The following SNCAIP variants were observed in gnomAD, a reference collection of about 807,000 sequenced individuals.
The protein encoded by SNCAIP is synuclein alpha interacting protein, also known as synphilin-1.
A neutral mutation model predicts 86.7 loss-of-function variants in SNCAIP; 43 were observed. The observed-to-expected ratio is 0.50, with a 90% CI of 0.39 to 0.64. The LOEUF (loss-of-function observed/expected upper bound fraction) is 0.64, where lower values mean the gene tolerates loss of function less well. SNCAIP is among the 30% of genes least tolerant of loss of function. The probability of loss-of-function intolerance (pLI) is 0.00; values close to 1 mark genes in which losing one functional copy is unlikely to be tolerated. For synonymous variants in SNCAIP, 417 were observed against 427.2 expected (o/e 0.98, Z 0.29); for missense variants, 981 against 1,103.1 (o/e 0.89, Z 1.57).
In SNCAIP at chr5:122,355,055, A is replaced by G. The variant is rs148145363; in HGVS notation, c.-46-36034A>G. Among the ~76,000 whole-genome samples, 280 of 152,310 alleles carry G rather than the reference A, an allele frequency of 1.8e-3. 3 individuals are homozygous for G. Among genetic ancestry groups the G allele is most frequent in the African/African-American group, 6.4e-3 (266 of 41,572 alleles). ...TTTAGTATAAAAAACTTTGTGTGTG[A>G]GAGGGTGCATGTGTTCTTTGTTCAA... On this transcript the variant is annotated intron_variant, in intron 1 of 10. Coordinates refer to ENST00000261368, the MANE Select transcript of SNCAIP (RefSeq NM_005460.4).
At chr5:122,324,615 T>C (rs1753646695) in intron 1 of SNCAIP, among the ~76,000 whole-genome samples, 1 of 152,208 alleles carries the variant, frequency 6.6e-6, no homozygotes, top group Non-Finnish European at 1.5e-5. Context: ...TAGGGGCTTG[T>C]TTCACAAAAG....
In SNCAIP at chr5:122,444,635, C is replaced by G. The variant is rs531769969; in HGVS notation, c.1495C>G (p.Arg499Gly). Residue 499 changes from arginine (R) to glycine (G), a missense_variant, in exon 8 of 11, where the codon CGG becomes GGG. Coordinates refer to ENST00000261368, the MANE Select transcript of SNCAIP (RefSeq NM_005460.4). The part of the protein sequence containing the change: ...AGEKPSQSAE[R>G]QGHTLCSRYL... The stretch of plus-strand genomic sequence containing the variant: ...GGAAAAGCCCTCCCAGAGCGCCGAG[C>G]GGCAGGGGCACACCCTGTGCTCCAG... 2 of 1,613,880 alleles carry G rather than the reference C, an allele frequency of 1.2e-6. No individual in the cohort carries two copies. Among genetic ancestry groups the G allele is most frequent in the African/African-American group, 2.7e-5 (2 of 74,924 alleles).
chr5:122,355,035 T>G (rs1754238853), intron 1 of SNCAIP, among the ~76,000 whole-genome samples: 2 of 152,250 alleles, frequency 1.3e-5, no homozygotes, highest in Non-Finnish European at 2.9e-5. Context: ...TAATCTTTAG[T>G]ATAAAAAACT....
intron 10 of SNCAIP, among the ~76,000 whole-genome samples, chr5:122,462,271 A>G (rs1786545206): frequency 6.6e-6 from 1 of 152,194 alleles, no homozygotes; most frequent in Non-Finnish European, 1.5e-5. Flanking sequence ...CTCCTCTGCT[A>G]AATCAACTCT....
In SNCAIP at chr5:122,423,376, G is replaced by A; in HGVS notation, c.639G>A (p.Val213=). The change falls in exon 4 of 11, where the codon GTG becomes GTA. Residue 213 remains valine, a synonymous_variant. Coordinates refer to ENST00000261368, the MANE Select transcript of SNCAIP (RefSeq NM_005460.4). The part of the protein sequence containing the change: ...NMAPFCVLSP[V]KSPHLRKASA... Reference sequence around the variant, plus strand: ...CACCATTTTGTGTTCTTTCTCCCGTGAAAAGCCCTCACTTGAGAAAAGCAT... The same window carrying A: ...CACCATTTTGTGTTCTTTCTCCCGTAAAAAGCCCTCACTTGAGAAAAGCAT... 6.2e-7 allele frequency: 1 copy of A among 1,613,578 alleles called. No individual in the cohort carries two copies. The highest frequency in any genetic ancestry group is 1.3e-5 in the African/African-American group (1 of 74,942).
intron 1 of SNCAIP, among the ~76,000 whole-genome samples, chr5:122,363,837 T>G (rs1270617137): frequency 6.9e-6 from 1 of 144,108 alleles, no homozygotes; most frequent in African/African-American, 2.6e-5. Flanking sequence ...TTTATTTATT[T>G]TTAGAGACAG....
At chr5:122,374,876 A>T (rs564917790) in intron 1 of SNCAIP, among the ~76,000 whole-genome samples, 23 of 152,238 alleles carry the variant, frequency 1.5e-4, no homozygotes, top group African/African-American at 5.5e-4. Context: ...AAATAATCTT[A>T]TGTTGTTTTT....
At chr5:122,349,593 A>G (rs775190051) in intron 1 of SNCAIP, among the ~76,000 whole-genome samples, 33 of 152,318 alleles carry the variant, frequency 2.2e-4, no homozygotes, top group Admixed American at 1.1e-3. Context: ...ACTAATTTCT[A>G]TACTCCACAC....
At chr5:122,449,750 A>T in intron 8 of SNCAIP, 95 bp from the exon 9 acceptor site, 1 of 881,382 alleles carries the variant, frequency 1.1e-6, no homozygotes, top group South Asian at 1.3e-5. Context: ...TATTTATTGC[A>T]ACTTACTGGA....
chr5:122,359,730 G>T (rs572250282), intron 1 of SNCAIP, among the ~76,000 whole-genome samples: 2 of 152,076 alleles, frequency 1.3e-5, no homozygotes, highest in African/African-American at 4.8e-5. Flanking sequence ...TCCAGAAAGC[G>T]TATGAATTAG....
At chr5:122,365,680 A>AT (rs1220687596) in intron 1 of SNCAIP, among the ~76,000 whole-genome samples, 1 of 151,962 alleles carries the variant, frequency 6.6e-6, no homozygotes, top group Non-Finnish European at 1.5e-5. Context: ...CCCTGTCTCC[A>AT]TAAAAAAAAA....
chr5:122,412,170 C>T (rs1774272656), intron 3 of SNCAIP, among the ~76,000 whole-genome samples: 1 of 152,082 alleles, frequency 6.6e-6, no homozygotes, highest in South Asian at 2.1e-4. Flanking sequence ...CTTAGGTGAT[C>T]ACCTCCATCT....
In SNCAIP at chr5:122,444,720, A is replaced by G; in HGVS notation, c.1580A>G (p.Lys527Arg). 2 of 1,613,852 alleles carry G rather than the reference A, an allele frequency of 1.2e-6. No individual in the cohort carries two copies. Among genetic ancestry groups the G allele is most frequent in the South Asian group, 2.2e-5 (2 of 91,072 alleles). The change falls in exon 8 of 11, where the codon AAG becomes AGG. Residue 527 changes from lysine (K) to arginine (R), a missense_variant. Transcript: ENST00000261368. ...SLASQVVKLT[K>R]QLKEQTVERV... Reference sequence around the variant, plus strand: ...GCCTCTCAAGTGGTGAAGTTAACCAAGCAGCTAAAGGAGTAAGTGGCCTGT... The same window carrying G: ...GCCTCTCAAGTGGTGAAGTTAACCAGGCAGCTAAAGGAGTAAGTGGCCTGT...
rs199933356 is a variant in SNCAIP, at chr5:122,403,845, C to A, written c.110C>A (p.Thr37Lys). Reference protein sequence around the residue: ...TIPELCRRCDTQNEDRSVSSS... With the variant: ...TIPELCRRCDKQNEDRSVSSS... ...CCAGAACTGTGCCGAAGATGTGATACGCAAAACGAAGACAGATCAGGTAGG... is the reference window on the plus strand; with the variant it reads ...CCAGAACTGTGCCGAAGATGTGATAAGCAAAACGAAGACAGATCAGGTAGG... Residue 37 changes from threonine (T) to lysine (K), a missense_variant, in exon 3 of 11, where the codon ACG becomes AAG. Coordinates refer to ENST00000261368, the MANE Select transcript of SNCAIP (RefSeq NM_005460.4). 2 of 1,613,556 alleles carry A rather than the reference C, an allele frequency of 1.2e-6. No individual in the cohort carries two copies. Among genetic ancestry groups the A allele is most frequent in the South Asian group, 1.1e-5 (1 of 91,070 alleles).
intron 1 of SNCAIP, chr5:122,370,075 T>A (rs1399289295): frequency 6.6e-6 from 1 of 152,174 alleles, no homozygotes; most frequent in East Asian, 1.9e-4. Flanking sequence ...AATTGTAATG[T>A]TCCCAACACT....
intron 1 of SNCAIP, among the ~76,000 whole-genome samples, chr5:122,336,130 C>A (rs566289409): frequency 3.3e-5 from 5 of 151,804 alleles, no homozygotes; most frequent in Admixed American, 6.6e-5. Context: ...TTTAAATAAG[C>A]CTATTTTGCA....
intron 1 of SNCAIP, among the ~76,000 whole-genome samples, chr5:122,382,825 G>A (rs1446414352): frequency 6.6e-6 from 1 of 152,238 alleles, no homozygotes; most frequent in East Asian, 1.9e-4. Flanking sequence ...GTGTGCCCCT[G>A]CTGGGGTTGC....
At chr5:122,426,343 T>C (rs1323278729) in intron 5 of SNCAIP, among the ~76,000 whole-genome samples, 1 of 152,180 alleles carries the variant, frequency 6.6e-6, no homozygotes, top group Non-Finnish European at 1.5e-5. Flanking sequence ...ATAATCATAA[T>C]TTTTATAAAT....
chr5:122,349,820 G>A (rs1249148978), intron 1 of SNCAIP, among the ~76,000 whole-genome samples: 1 of 151,948 alleles, frequency 6.6e-6, no homozygotes, highest in African/African-American at 2.4e-5. Flanking sequence ...GTGCTTCATC[G>A]GGCCATGATG....
Sources: allele counts gnomAD v4.1 joint callset (sites outside exome capture counted in the v4.1 genomes callset), GRCh38; gene constraint gnomAD v4.1.1; transcripts MANE v1.5; gene names NCBI Gene and HGNC (gene_info 2026-07-23, HGNC 2026-07-21).